RNGTT: variants seen among roughly 807,000 people sequenced by gnomAD.
RNGTT encodes RNA guanylyltransferase and 5'-phosphatase.
RNGTT carries 33 observed loss-of-function variants against 79.3 expected under a neutral mutation model. The ratio of observed to expected loss-of-function variants is 0.42; its 90% confidence interval spans 0.32 to 0.56. The LOEUF is 0.56. Among genes scored for constraint, RNGTT ranks in the 20% least tolerant of loss-of-function variants. RNGTT has a pLI of 0.17. For synonymous variants in RNGTT, 222 were observed against 235.9 expected (o/e 0.94, Z 0.54); for missense variants, 497 against 739.1 (o/e 0.67, Z 3.80).
intron 11 of RNGTT, among the ~76,000 whole-genome samples, chr6:88,805,119 G>T (rs1279808050): frequency 6.6e-6 from 1 of 152,152 alleles, no homozygotes; most frequent in East Asian, 1.9e-4. Flanking sequence ...AATAACTTTT[G>T]TTATGGCCAT....
chr6:88,892,861 T>A (rs1783096416), intron 6 of RNGTT, among the ~76,000 whole-genome samples: 1 of 152,132 alleles, frequency 6.6e-6, no homozygotes, highest in Non-Finnish European at 1.5e-5. Context: ...TAATACTTCA[T>A]CCACATACAT....
chr6:88,843,708 G>A (rs1043375353), intron 11 of RNGTT, among the ~76,000 whole-genome samples: 14 of 150,880 alleles, frequency 9.3e-5, no homozygotes, highest in Non-Finnish European at 2.1e-4. Context: ...ATAGACATGC[G>A]CCGCCACACC....
At position 88,717,087 on chromosome 6, in the gene RNGTT, T is replaced by C. The variant is rs1278202992; in HGVS notation, c.1440-38668A>G. 2.6e-5 allele frequency among the ~76,000 whole-genome samples: 4 copies of C among 152,324 alleles called. No homozygotes were observed. The East Asian group carries it at 7.7e-4, about 29-fold the overall frequency. ...ATAAGTGAGAACTTATGGTTTAGAA[T>C]AGAAAGCCTCCACTGGCTCCACAAA... On this transcript the variant is annotated intron_variant, in intron 13 of 15. Transcript: ENST00000369485.
intron 10 of RNGTT, among the ~76,000 whole-genome samples, chr6:88,847,888 A>T (rs946343265): frequency 6.6e-6 from 1 of 152,006 alleles, no homozygotes; most frequent in Non-Finnish European, 1.5e-5. Context: ...TTAAGAAGAA[A>T]AAAAAGAGAC....
At chr6:88,693,163 TAGA>T (rs1414969005) in intron 13 of RNGTT, among the ~76,000 whole-genome samples, 1 of 151,362 alleles carries the variant, frequency 6.6e-6, no homozygotes, top group Non-Finnish European at 1.5e-5. Context: ...GACTAGAAAA[TAGA>T]AGAATAAATC....
intron 8 of RNGTT, among the ~76,000 whole-genome samples, chr6:88,873,764 A>T (rs1344131826): frequency 6.6e-6 from 1 of 152,124 alleles, no homozygotes; most frequent in Admixed American, 6.5e-5. Flanking sequence ...TCATTTTTTC[A>T]TTATAAGACC....
intron 1 of RNGTT, among the ~76,000 whole-genome samples, chr6:88,946,617 C>T (rs1050250667): frequency 1.3e-4 from 19 of 150,176 alleles, no homozygotes; most frequent in African/African-American, 4.7e-4. Flanking sequence ...ATGAAAAGCT[C>T]GACAGCAGCT....
chr6:88,858,476 T>C lies in RNGTT; in HGVS notation c.897-4712A>G, dbSNP rs577019188. On this transcript the variant is annotated intron_variant, in intron 8 of 15. Transcript: ENST00000369485. The stretch of plus-strand genomic sequence containing the variant: ...AGAGCCTGTCAGAGTTTGGAGATCA[T>C]GGAAGGCATTCCAGAGGAATTCATG... Among the ~76,000 whole-genome samples the C allele has an allele frequency of 8.5e-5, 13 of 152,308 alleles. 1 individual carries two copies. The highest frequency in any genetic ancestry group is 3.4e-3 in the Middle Eastern group (1 of 294).
intron 1 of RNGTT, among the ~76,000 whole-genome samples, chr6:88,957,101 A>G (rs1350172934): frequency 1.3e-5 from 2 of 152,210 alleles, no homozygotes; most frequent in African/African-American, 2.4e-5. Context: ...CAAAAATCAC[A>G]TGATCATCTC....
chr6:88,836,397 G>C (rs778415654), intron 11 of RNGTT, among the ~76,000 whole-genome samples: 25 of 151,968 alleles, frequency 1.6e-4, no homozygotes, highest in Non-Finnish European at 8.8e-5. Flanking sequence ...TCCTGGGAAA[G>C]ATGAAAAAAT....
At chr6:88,693,684 G>A (rs909912743) in intron 13 of RNGTT, among the ~76,000 whole-genome samples, 16 of 152,060 alleles carry the variant, frequency 1.1e-4, no homozygotes, top group African/African-American at 3.1e-4. Flanking sequence ...CTTGATGAAC[G>A]TAAATGCAAA....
rs1157397923 is a variant in RNGTT at position 88,948,525 on chromosome 6, C to T, written c.65-7345G>A. Among the ~76,000 whole-genome samples, 380 of 148,178 alleles carry T rather than the reference C, an allele frequency of 2.6e-3. 2 individuals are homozygous for T. The highest frequency in any genetic ancestry group is 8.4e-3 in the African/African-American group (338 of 40,316). ...CCCCCGCCCGGCCGGCCGCCCCGTC[C>T]GGGAGGTGAGGGGCGCCTCTGCCCA... On this transcript the variant is annotated intron_variant, in intron 1 of 15. Coordinates refer to ENST00000369485, the MANE Select transcript of RNGTT (RefSeq NM_003800.5).
intron 4 of RNGTT, among the ~76,000 whole-genome samples, chr6:88,921,154 A>G (rs561480883): frequency 2.4e-4 from 37 of 152,212 alleles, no homozygotes; most frequent in Admixed American, 2.2e-3. Flanking sequence ...TTTTAGTTTC[A>G]GAGAAGGAAT....
chr6:88,713,211 T>G (rs944561265), intron 13 of RNGTT, among the ~76,000 whole-genome samples: 2 of 152,080 alleles, frequency 1.3e-5, no homozygotes, highest in East Asian at 3.9e-4. Flanking sequence ...TGAGACTCAA[T>G]AACACTTGCT....
intron 14 of RNGTT, among the ~76,000 whole-genome samples, chr6:88,656,693 T>G (rs1773990261): frequency 2.0e-5 from 3 of 151,246 alleles, no homozygotes; most frequent in Non-Finnish European, 4.4e-5. Flanking sequence ...CATCTGGGAG[T>G]AGAGTCTCTG....
intron 12 of RNGTT, among the ~76,000 whole-genome samples, chr6:88,771,975 C>T (rs943930355): frequency 6.6e-6 from 1 of 151,954 alleles, no homozygotes; most frequent in Non-Finnish European, 1.5e-5. Context: ...CCCAGGAGTT[C>T]GAGATCAGCC....
At chr6:88,649,984 A>G (rs1254246079) in intron 14 of RNGTT, among the ~76,000 whole-genome samples, 1 of 152,104 alleles carries the variant, frequency 6.6e-6, no homozygotes, top group East Asian at 1.9e-4. Flanking sequence ...TTTCTCCCAA[A>G]CTATAATTTT....
intron 14 of RNGTT, among the ~76,000 whole-genome samples, chr6:88,668,666 C>A (rs1056725675): frequency 6.6e-6 from 1 of 152,140 alleles, no homozygotes; most frequent in African/African-American, 2.4e-5. Context: ...TGTCTTACAA[C>A]CTGTCTGAGC....
chr6:88,944,219 T>A (rs1746073844), intron 1 of RNGTT, among the ~76,000 whole-genome samples: 2 of 152,240 alleles, frequency 1.3e-5, no homozygotes, highest in South Asian at 4.1e-4. Context: ...ATTCATTTAC[T>A]CCTAACAATA....
Sources: gnomAD v4.1 joint callset for allele counts (sites outside exome capture counted in the v4.1 genomes callset) on GRCh38, gnomAD v4.1.1 for gene constraint, MANE v1.5 for transcripts, NCBI Gene and HGNC (gene_info 2026-07-23, HGNC 2026-07-21) for gene names.